Variants in DENND2B observed in about 807,000 individuals in gnomAD.
DENND2B encodes the protein DENN domain-containing protein 2B.
Under a neutral mutation model 116.0 loss-of-function variants are expected in DENND2B, and 32 were observed. The ratio of observed to expected loss-of-function variants is 0.28; its 90% confidence interval spans 0.21 to 0.37. The LOEUF is 0.37. DENND2B is among the 10% of genes least tolerant of loss of function. The probability of loss-of-function intolerance (pLI) is 1.00; values close to 1 mark genes in which losing one functional copy is unlikely to be tolerated. For synonymous variants in DENND2B, 588 were observed against 583.9 expected (o/e 1.01, Z -0.10); for missense variants, 1,276 against 1,477.7 (o/e 0.86, Z 2.24).
chr11:8,700,771 T>C (rs1174263546), intron 14 of DENND2B, among the ~76,000 whole-genome samples: 2 of 152,320 alleles, frequency 1.3e-5, no homozygotes, highest in African/African-American at 4.8e-5. Flanking sequence ...TAAGAAATTA[T>C]TTTATGGAGA....
intron 4 of DENND2B, among the ~76,000 whole-genome samples, chr11:8,820,239 A>T (rs10769965): frequency 0.21 from 32,414 of 152,098 alleles, 3,654 homozygotes; most frequent in East Asian, 0.34. Context: ...TCTGTTAAAA[A>T]ATATATATAT....
At chr11:8,744,180 C>T (rs986412276) in intron 2 of DENND2B, among the ~76,000 whole-genome samples, 2 of 148,596 alleles carry the variant, frequency 1.3e-5, no homozygotes. Context: ...GTTGCCCAGG[C>T]TGGAGTGCAA....
intron 1 of DENND2B, among the ~76,000 whole-genome samples, chr11:8,771,080 AC>A (rs1236469440): frequency 2.0e-5 from 3 of 152,092 alleles, no homozygotes; most frequent in South Asian, 2.1e-4. Context: ...ACAAGCACCT[AC>A]CCTTTACTAA....
intron 9 of DENND2B, chr11:8,711,875 A>G (rs1565677180): frequency 7.8e-6 from 3 of 385,690 alleles, no homozygotes; most frequent in Non-Finnish European, 1.6e-5. Flanking sequence ...CTCGAATAAA[A>G]AAATAAAATA....
intron 3 of DENND2B, among the ~76,000 whole-genome samples, chr11:8,843,465 G>A (rs78322645): frequency 0.031 from 4,642 of 152,174 alleles, 229 homozygotes; most frequent in African/African-American, 0.11. Flanking sequence ...TCTTCCTCTA[G>A]CAGAATGTAA....
intron 5 of DENND2B, 95 bp from the exon 6 acceptor site, chr11:8,715,913 G>T (rs919443139): frequency 1.7e-6 from 2 of 1,198,650 alleles, no homozygotes; most frequent in Non-Finnish European, 2.3e-6. Context: ...CCAAGGGCCG[G>T]CATCCCTGGA....
intron 1 of DENND2B, among the ~76,000 whole-genome samples, chr11:8,882,497 C>T (rs2063913893): frequency 6.6e-6 from 1 of 152,166 alleles, no homozygotes; most frequent in African/African-American, 2.4e-5. Flanking sequence ...AGTATAAGTT[C>T]CATCTTTAAC....
chr11:8,771,566 A>AGAGAGAGAGCGAGC (rs146752028), intron 1 of DENND2B: 5 of 120,306 alleles, frequency 4.2e-5, no homozygotes, highest in Non-Finnish European at 9.0e-5. Context: ...AGAGAGAGAG[A>AGAGAGAGAGCGAGC]GCCTTCTTCC....
intron 1 of DENND2B, among the ~76,000 whole-genome samples, chr11:8,910,120 T>C (rs552876724): frequency 9.2e-4 from 139 of 151,728 alleles, no homozygotes; most frequent in African/African-American, 3.2e-3. Context: ...TCTCCAAAAA[T>C]ATGTGAATCC....
chr11:8,706,172 G>C (rs1040991027), intron 13 of DENND2B, among the ~76,000 whole-genome samples: 10 of 152,230 alleles, frequency 6.6e-5, no homozygotes, highest in African/African-American at 2.4e-4. Flanking sequence ...TTGAGCCCGG[G>C]AGGGTGAGGC....
chr11:8,836,052 C>T (rs984815094), intron 4 of DENND2B, among the ~76,000 whole-genome samples: 2 of 151,890 alleles, frequency 1.3e-5, no homozygotes, highest in Admixed American at 6.6e-5. Context: ...TACATAAAAA[C>T]ATGGTGAATA....
intron 3 of DENND2B, among the ~76,000 whole-genome samples, chr11:8,727,609 C>G (rs2047298277): frequency 6.6e-6 from 1 of 152,230 alleles, no homozygotes; most frequent in South Asian, 2.1e-4. Flanking sequence ...TCTACCATCT[C>G]TATCTTGATG....
chr11:8,799,184 G>C (rs546260971), intron 1 of DENND2B, among the ~76,000 whole-genome samples: 2 of 152,142 alleles, frequency 1.3e-5, no homozygotes, highest in African/African-American at 4.8e-5. Flanking sequence ...TTAGAGTTCA[G>C]TTGACAAAAC....
At chr11:8,788,440 G>A (rs1161814448) in intron 1 of DENND2B, among the ~76,000 whole-genome samples, 1 of 152,156 alleles carries the variant, frequency 6.6e-6, no homozygotes, top group African/African-American at 2.4e-5. Flanking sequence ...ATTTAAAACT[G>A]TTTAGAATGG....
At chr11:8,700,891 C>T (rs530734845) in intron 14 of DENND2B, among the ~76,000 whole-genome samples, 3 of 152,024 alleles carry the variant, frequency 2.0e-5, no homozygotes, top group South Asian at 4.2e-4. Context: ...GCACAATCTC[C>T]GCTCACTGCA....
chr11:8,894,258 T>C (rs1276722925), intron 1 of DENND2B, among the ~76,000 whole-genome samples: 1 of 152,176 alleles, frequency 6.6e-6, no homozygotes, highest in Non-Finnish European at 1.5e-5. Flanking sequence ...CAAGATGGAT[T>C]AAAGACTTAA....
chr11:8,795,767 C>T (rs1213895893), intron 1 of DENND2B, among the ~76,000 whole-genome samples: 1 of 152,230 alleles, frequency 6.6e-6, no homozygotes, highest in African/African-American at 2.4e-5. Flanking sequence ...AGTGATTCCC[C>T]GCTTTCTGGA....
intron 1 of DENND2B, among the ~76,000 whole-genome samples, chr11:8,756,228 C>A (rs1274895284): frequency 6.6e-6 from 1 of 152,212 alleles, no homozygotes; most frequent in Non-Finnish European, 1.5e-5. Flanking sequence ...AAAACATATT[C>A]TTTCTTTCCC....
intron 2 of DENND2B, among the ~76,000 whole-genome samples, chr11:8,746,584 AGAG>A (rs1020742298): frequency 4.6e-5 from 7 of 152,212 alleles, no homozygotes; most frequent in African/African-American, 1.4e-4. Context: ...GAGTGAATGC[AGAG>A]GAGGGAGGGA....
Sources: gnomAD v4.1 joint callset for allele counts (sites outside exome capture counted in the v4.1 genomes callset) on GRCh38, gnomAD v4.1.1 for gene constraint, MANE v1.5 for transcripts, NCBI Gene and HGNC (gene_info 2026-07-23, HGNC 2026-07-21) for gene names.